Variants in FMN1 observed in about 807,000 individuals in gnomAD.
FMN1 encodes the protein formin-1.
A neutral mutation model predicts 132.4 loss-of-function variants in FMN1; 110 were observed. The ratio of observed to expected loss-of-function variants is 0.83; its 90% CI spans 0.71 to 0.97. The LOEUF (loss-of-function observed/expected upper bound fraction) is 0.97. Among genes scored for constraint, FMN1 ranks in the 50% least tolerant of loss-of-function variants. The pLI, the probability that FMN1 is intolerant of heterozygous loss-of-function variation, is 0.00. For synonymous variants in FMN1, 722 were observed against 651.7 expected, an observed-to-expected ratio of 1.11 and a Z score of -1.64; for missense variants, 1,792 against 1,705.3, an observed-to-expected ratio of 1.05 and a Z score of -0.90.
chr15:32,870,052 G>A (rs926611486), intron 16 of FMN1, among the ~76,000 whole-genome samples: 4 of 152,148 alleles, frequency 2.6e-5, no homozygotes, highest in African/African-American at 9.7e-5. Flanking sequence ...AGTTTTCCTG[G>A]TCAAGTGCTA....
intron 5 of FMN1, among the ~76,000 whole-genome samples, chr15:33,065,901 C>T (rs1462834436): frequency 6.6e-6 from 1 of 152,142 alleles, no homozygotes; most frequent in Non-Finnish European, 1.5e-5. Context: ...GTTTAATTCT[C>T]ATAACAACCA....
chr15:33,032,761 G>C (rs1330572547), intron 6 of FMN1, among the ~76,000 whole-genome samples: 2 of 152,122 alleles, frequency 1.3e-5, no homozygotes. Context: ...ACGCAGTAAA[G>C]CCACACAATT....
intron 8 of FMN1, among the ~76,000 whole-genome samples, chr15:32,966,619 A>G (rs1007024042): frequency 6.6e-6 from 1 of 152,218 alleles, no homozygotes; most frequent in Non-Finnish European, 1.5e-5. Flanking sequence ...CCAAGAAGGC[A>G]AAACGTCAAA....
chr15:32,804,382 T>C (rs2057586798), intron 17 of FMN1, 50 bp from the exon 18 acceptor site: 2 of 1,076,744 alleles, frequency 1.9e-6, no homozygotes, highest in African/African-American at 1.7e-5. Flanking sequence ...TTGTCTCCTT[T>C]GCGTAATCTT....
chr15:33,100,499 A>G (rs1595470327), intron 4 of FMN1, among the ~76,000 whole-genome samples: 1 of 151,956 alleles, frequency 6.6e-6, no homozygotes, highest in Non-Finnish European at 1.5e-5. Context: ...TTACATTTTT[A>G]AAGGAGGAAA....
chr15:33,009,480 T>C (rs916057726), intron 6 of FMN1, among the ~76,000 whole-genome samples: 1 of 152,140 alleles, frequency 6.6e-6, no homozygotes, highest in African/African-American at 2.4e-5. Flanking sequence ...TACCACTCCT[T>C]CCCCTTGTTC....
intron 4 of FMN1, among the ~76,000 whole-genome samples, chr15:33,135,129 G>A (rs1021522675): frequency 3.9e-5 from 6 of 152,094 alleles, no homozygotes; most frequent in Admixed American, 1.3e-4. Flanking sequence ...CCAAAGCCCC[G>A]CTTTTTTTGG....
chr15:32,973,576 A>ACCCCCCCCCCC (rs137961612), intron 7 of FMN1, among the ~76,000 whole-genome samples: 1 of 147,336 alleles, frequency 6.8e-6, no homozygotes, highest in African/African-American at 2.6e-5. Flanking sequence ...TCTGCCCCTC[A>ACCCCCCCCCCC]CCCCCCCCAA....
intron 7 of FMN1, among the ~76,000 whole-genome samples, chr15:32,988,054 T>G (rs1051780609): frequency 3.6e-5 from 5 of 139,720 alleles, no homozygotes; most frequent in Admixed American, 3.4e-4. Context: ...CTCCAGTTTT[T>G]TTTTTTTTTT....
intron 4 of FMN1, among the ~76,000 whole-genome samples, chr15:33,108,094 G>C (rs554589869): frequency 1.3e-5 from 2 of 152,192 alleles, no homozygotes; most frequent in East Asian, 3.9e-4. Flanking sequence ...TTCTCTGGGA[G>C]AGCAATGCCT....
At chr15:33,175,358 C>G (rs569823610) in intron 3 of FMN1, among the ~76,000 whole-genome samples, 2 of 152,252 alleles carry the variant, frequency 1.3e-5, no homozygotes, top group Admixed American at 6.5e-5. Flanking sequence ...CGTAAGCCAC[C>G]ATGCCCAACC....
rs752198387 is a variant in FMN1, at chr15:32,811,104, G to T, written c.3929-6772C>A. 1.1e-5 allele frequency: 5 copies of T among 456,672 alleles called. No homozygotes were observed. The East Asian group carries it at 3.5e-4, about 32-fold the overall frequency. 28.3% of individuals were successfully genotyped at this position (456,672 alleles called of 1,614,324 possible). The stretch of plus-strand genomic sequence containing the variant: ...AGGCACAGCACGCTGACATCGGAAA[G>T]GGATGGCCTTTTAACATTTGAGAGA... On this transcript the variant is annotated intron_variant, in intron 17 of 20. Coordinates refer to ENST00000616417, the MANE Select transcript of FMN1 (RefSeq NM_001277313.2).
intron 20 of FMN1, among the ~76,000 whole-genome samples, chr15:32,774,769 GA>G (rs879404840): frequency 0.15 from 23,035 of 152,102 alleles, 1,897 homozygotes; most frequent in African/African-American, 0.21. Flanking sequence ...TATTTCCAAT[GA>G]TCAACTTGGC....
Position 32,912,930 on chromosome 15 carries a change from T to C in FMN1, c.3227-2395A>G, listed in dbSNP as rs561919963. ...AACATGGTATAAGCCCAAAATGGTA[T>C]ATATGAGCTATTACTATCATGATTT... On this transcript the variant is annotated intron_variant, in intron 10 of 20. Transcript: ENST00000616417. 2.6e-5 allele frequency among the ~76,000 whole-genome samples: 4 copies of C among 152,308 alleles called. No homozygotes were observed. The East Asian group carries it at 7.7e-4, about 29-fold the overall frequency.
rs567198633 is a variant in FMN1, at chr15:33,111,413, T to C, written c.1868-22439A>G. Among the ~76,000 whole-genome samples, 3 of 152,246 alleles carry C rather than the reference T, an allele frequency of 2.0e-5. No homozygotes were observed. The East Asian group carries it at 5.8e-4, about 29-fold the overall frequency. On this transcript the variant is annotated intron_variant, in intron 4 of 20. Transcript: ENST00000616417. The stretch of plus-strand genomic sequence containing the variant: ...ATGGTACAGCAGCTCCAGAAAACAG[T>C]CTTGGCATTTCCTCAAAAGGTTAAA...
Position 32,981,594 on chromosome 15 carries a change from C to T in FMN1, c.2224-12117G>A, listed in dbSNP as rs2032683775. On this transcript the variant is annotated intron_variant, in intron 7 of 20. Transcript: ENST00000616417. Reference sequence around the variant, plus strand: ...TCTGTGCTAACATAAGACTCAACAGCCTTTGAGTCAACTTTTCAGTCAACT... The same window carrying T: ...TCTGTGCTAACATAAGACTCAACAGTCTTTGAGTCAACTTTTCAGTCAACT... 4.0e-5 allele frequency among the ~76,000 whole-genome samples: 6 copies of T among 150,108 alleles called. No individual in the cohort carries two copies. In the South Asian group the frequency reaches 1.3e-3, roughly 31 times the overall value.
intron 3 of FMN1, among the ~76,000 whole-genome samples, chr15:33,175,087 A>C (rs1007434249): frequency 6.6e-6 from 1 of 151,886 alleles, no homozygotes; most frequent in South Asian, 2.1e-4. Flanking sequence ...GTGCAGTGGC[A>C]TGATTATGGC....
chr15:32,983,091 G>A lies in FMN1; in HGVS notation c.2224-13614C>T, dbSNP rs528401998. ...TCCGGAAAACCCTGATGAATACATTGCCCAAAATTAGAAGCCACCCAAACG... is the reference window on the plus strand; with the variant it reads ...TCCGGAAAACCCTGATGAATACATTACCCAAAATTAGAAGCCACCCAAACG... On this transcript the variant is annotated intron_variant, in intron 7 of 20. Transcript: ENST00000616417. Among the ~76,000 whole-genome samples, 9 of 152,146 alleles carry A rather than the reference G, an allele frequency of 5.9e-5. No homozygotes were observed. In the East Asian group the frequency reaches 1.5e-3, roughly 26 times the overall value.
At chr15:33,012,015 A>G (rs2034756369) in intron 6 of FMN1, 1 of 257,934 alleles carries the variant, frequency 3.9e-6, no homozygotes, top group African/African-American at 2.2e-5. Flanking sequence ...TTTCTTAACC[A>G]ACAATCCTAA....
Sources: allele counts gnomAD v4.1 joint callset (sites outside exome capture counted in the v4.1 genomes callset), GRCh38; gene constraint gnomAD v4.1.1; transcripts MANE v1.5; gene names NCBI Gene and HGNC (gene_info 2026-07-23, HGNC 2026-07-21).